BMPR2: variants seen among roughly 807,000 people sequenced by gnomAD.
BMPR2 encodes bone morphogenetic protein receptor type 2.
BMPR2 carries 29 observed loss-of-function variants against 100.8 expected under a neutral mutation model. The ratio of observed to expected loss-of-function variants is 0.29; its 90% CI spans 0.21 to 0.39. The LOEUF (loss-of-function observed/expected upper bound fraction) is 0.39, where lower values mean the gene tolerates loss of function less well. Ranked by LOEUF, BMPR2 falls within the 10% of genes least tolerant of loss-of-function variation. BMPR2 has a pLI of 1.00. For synonymous variants in BMPR2, 382 were observed against 442.3 expected, an observed-to-expected ratio of 0.86 and a Z score of 1.71; for missense variants, 1,011 against 1,274.5, an observed-to-expected ratio of 0.79 and a Z score of 3.15.
intron 1 of BMPR2, among the ~76,000 whole-genome samples, chr2:202,396,123 G>A (rs1690652584): frequency 6.6e-6 from 1 of 152,166 alleles, no homozygotes; most frequent in African/African-American, 2.4e-5. Context: ...GAGAGGCCTA[G>A]TCAAGTGGTC....
chr2:202,387,447 C>G (rs1330491996), intron 1 of BMPR2, among the ~76,000 whole-genome samples: 1 of 152,112 alleles, frequency 6.6e-6, no homozygotes, highest in African/African-American at 2.4e-5. Context: ...AGGTCAGGCC[C>G]CTATGGCTCC....
intron 3 of BMPR2, among the ~76,000 whole-genome samples, chr2:202,492,872 A>G (rs1692936742): frequency 6.6e-6 from 1 of 152,102 alleles, no homozygotes; most frequent in South Asian, 2.1e-4. Context: ...CTTATAAGAG[A>G]GCAAAGGTTA....
At chr2:202,523,187 A>G (rs1227635106) in intron 7 of BMPR2, among the ~76,000 whole-genome samples, 2 of 152,222 alleles carry the variant, frequency 1.3e-5, no homozygotes, top group African/African-American at 2.4e-5. Flanking sequence ...ATGATATACT[A>G]TCTTACAACA....
chr2:202,444,197 G>C (rs780779108), intron 1 of BMPR2, among the ~76,000 whole-genome samples: 5 of 150,552 alleles, frequency 3.3e-5, no homozygotes, highest in Non-Finnish European at 7.4e-5. Flanking sequence ...ATTTAACCTT[G>C]CTCAGCAAAA....
intron 1 of BMPR2, among the ~76,000 whole-genome samples, chr2:202,385,782 A>AT (rs1179612950): frequency 6.6e-6 from 1 of 151,284 alleles, no homozygotes; most frequent in African/African-American, 2.4e-5. Context: ...AATAACTATC[A>AT]TTTTTTCATA....
intron 10 of BMPR2, among the ~76,000 whole-genome samples, chr2:202,547,061 C>T (rs1348853815): frequency 6.6e-6 from 1 of 152,106 alleles, no homozygotes; most frequent in Non-Finnish European, 1.5e-5. Flanking sequence ...AGTCAGCATG[C>T]CTGGCCCCCA....
At chr2:202,522,971 C>T (rs1291534304) in intron 7 of BMPR2, among the ~76,000 whole-genome samples, 1 of 152,050 alleles carries the variant, frequency 6.6e-6, no homozygotes, top group Non-Finnish European at 1.5e-5. Flanking sequence ...AAAATATTTG[C>T]AAACTTCACG....
chr2:202,385,540 A>G lies in BMPR2; in HGVS notation c.76+7990A>G, dbSNP rs539206233. The stretch of plus-strand genomic sequence containing the variant: ...GCCACCATGTCCGGCTAGTTTTTGT[A>G]TTTTTAGTAGACACGGAGTTTCACT... On this transcript the variant is annotated intron_variant, in intron 1 of 12. Transcript: ENST00000374580. 2.2e-3 allele frequency among the ~76,000 whole-genome samples: 331 copies of G among 148,990 alleles called. 1 individual carries two copies. The highest frequency in any genetic ancestry group is 4.3e-3 in the Non-Finnish European group (290 of 67,562).
chr2:202,535,867 G>A (rs1336405721), intron 9 of BMPR2, among the ~76,000 whole-genome samples: 18 of 151,276 alleles, frequency 1.2e-4, no homozygotes, highest in Non-Finnish European at 1.9e-4. Context: ...CGGATCACTC[G>A]CGGTTAGGGG....
intron 3 of BMPR2, among the ~76,000 whole-genome samples, chr2:202,493,809 C>T (rs1242717936): frequency 6.6e-6 from 1 of 152,116 alleles, no homozygotes; most frequent in Non-Finnish European, 1.5e-5. Context: ...CTCTCTTCTT[C>T]AGTTTTTCAC....
intron 7 of BMPR2, among the ~76,000 whole-genome samples, chr2:202,523,660 C>T (rs942939477): frequency 1.3e-5 from 2 of 151,862 alleles, no homozygotes; most frequent in African/African-American, 2.4e-5. Context: ...CAAAATTAGC[C>T]GGGGGTGGTG....
intron 1 of BMPR2, among the ~76,000 whole-genome samples, chr2:202,408,821 C>T (rs1050025882): frequency 2.1e-4 from 32 of 152,192 alleles, no homozygotes; most frequent in Admixed American, 4.6e-4. Flanking sequence ...CAGGGTATAA[C>T]ATCAAACAAT....
chr2:202,434,697 C>T (rs1038871242), intron 1 of BMPR2, among the ~76,000 whole-genome samples: 4 of 147,964 alleles, frequency 2.7e-5, no homozygotes, highest in Admixed American at 2.7e-4. Context: ...AATCTTGGCT[C>T]ACTGCAACCT....
At position 202,547,784 on chromosome 2, in the gene BMPR2, A is replaced by C. The variant is rs897875817; in HGVS notation, c.1414-4932A>C. On this transcript the variant is annotated intron_variant, in intron 10 of 12. Transcript: ENST00000374580. ...GACGACAGAGCAAGATCCATCACAA[A>C]AAAAAAAAAAAAAAAAAGGCCAGGC... Among the ~76,000 whole-genome samples, 472 of 137,714 alleles carry C rather than the reference A, an allele frequency of 3.4e-3. 2 individuals are homozygous for C. The highest frequency in any genetic ancestry group is 6.1e-3 in the Non-Finnish European group (388 of 63,470). 90.3% of individuals were successfully genotyped at this position (137,714 alleles called of 152,430 possible). A position where few individuals can be genotyped will look rare whatever the true frequency, so the allele number is the denominator to read the frequency against.
At chr2:202,471,707 A>T (rs2105965715) in intron 3 of BMPR2, among the ~76,000 whole-genome samples, 1 of 152,344 alleles carries the variant, frequency 6.6e-6, no homozygotes, top group African/African-American at 2.4e-5. Flanking sequence ...AGACTGGACG[A>T]CTAGGCAGTG....
At chr2:202,439,692 G>A (rs1280881349) in intron 1 of BMPR2, among the ~76,000 whole-genome samples, 2 of 148,926 alleles carry the variant, frequency 1.3e-5, no homozygotes, top group Admixed American at 1.3e-4. Context: ...TCGAAGGAAA[G>A]TTTTTAGTTT....
In BMPR2 at chr2:202,503,293, G is replaced by A. The variant is rs1376652232; in HGVS notation, c.419-10426G>A. 6.6e-6 allele frequency among the ~76,000 whole-genome samples: 1 copy of A among 152,248 alleles called. No individual in the cohort carries two copies. The highest frequency in any genetic ancestry group is 1.5e-5 in the Non-Finnish European group (1 of 68,046). On this transcript the variant is annotated intron_variant, in intron 3 of 12. Transcript: ENST00000374580. This position sits in a 1 kb window ranked among gnomAD's most constrained non-coding sequence, Gnocchi z 4.0. Reference sequence around the variant, plus strand: ...CTCCCACTTTGGCGGCACTTGAGGAGCCCTTCAGCCCACCACTGCATTGTG... The same window carrying A: ...CTCCCACTTTGGCGGCACTTGAGGAACCCTTCAGCCCACCACTGCATTGTG...
rs558759611 is a variant in BMPR2, at chr2:202,469,182, C to A, written c.418+1493C>A. Among the ~76,000 whole-genome samples, 3 of 152,240 alleles carry A rather than the reference C, an allele frequency of 2.0e-5. No individual in the cohort carries two copies. In the South Asian group the frequency reaches 6.2e-4, roughly 32 times the overall value. On this transcript the variant is annotated intron_variant, in intron 3 of 12. Coordinates refer to ENST00000374580, the MANE Select transcript of BMPR2 (RefSeq NM_001204.7). ...AGTAGCTGGGATCAGGCATGTGCCA[C>A]CACGCCCGGCTAATTTTGTATTTTT...
At chr2:202,452,134 C>T (rs1692002525) in intron 1 of BMPR2, among the ~76,000 whole-genome samples, 1 of 152,064 alleles carries the variant, frequency 6.6e-6, no homozygotes, top group South Asian at 2.1e-4. Context: ...TTATCATCCC[C>T]CAAAGATTCC....
Sources: gnomAD v4.1 joint callset for allele counts (sites outside exome capture counted in the v4.1 genomes callset) on GRCh38, gnomAD v4.1.1 for gene constraint, Gnocchi (gnomAD v3.1) non-coding constraint, MANE v1.5 for transcripts, NCBI Gene and HGNC (gene_info 2026-07-23, HGNC 2026-07-21) for gene names.